HTT: variants seen among roughly 807,000 people sequenced by gnomAD.
The protein encoded by HTT is huntington disease protein.
In HTT, 104 loss-of-function variants were observed where a neutral mutation model predicts 362.3. That is an observed-to-expected ratio of 0.29 (90% CI 0.24 to 0.34). The LOEUF is 0.34. Ranked by LOEUF, HTT falls within the 10% of genes least tolerant of loss-of-function variation. The pLI is 1.00. For missense variants in HTT, 3,301 were observed against 3,928.6 expected (o/e 0.84, Z 4.27); for synonymous variants, 1,577 against 1,548.7 (o/e 1.02, Z -0.43).
chr4:3,116,614 C>T (rs575982114), intron 8 of HTT, among the ~76,000 whole-genome samples: 35 of 152,290 alleles, frequency 2.3e-4, no homozygotes, highest in African/African-American at 7.9e-4. Flanking sequence ...GCTGGGTATA[C>T]AATGGTGAGT....
intron 2 of HTT, among the ~76,000 whole-genome samples, chr4:3,089,804 T>A (rs2110144966): frequency 6.6e-6 from 1 of 152,360 alleles, no homozygotes; most frequent in East Asian, 1.9e-4. Flanking sequence ...TGAGACATCT[T>A]AAGATTGATT....
intron 21 of HTT, among the ~76,000 whole-genome samples, chr4:3,138,147 TCCCTTTCCCTTCC>T (rs1716165005): frequency 6.8e-6 from 1 of 146,374 alleles, no homozygotes; most frequent in Admixed American, 6.7e-5. Context: ...CCTCTCCCTT[TCCCTTTCCCTTCC>T]CCTTTTCCCT....
intron 47 of HTT, among the ~76,000 whole-genome samples, chr4:3,210,608 G>GT (rs997166544): frequency 7.5e-4 from 101 of 134,416 alleles, no homozygotes; most frequent in Non-Finnish European, 4.7e-4. Context: ...CCTGTGAGCA[G>GT]TGGGGGGGCC....
At chr4:3,115,579 C>T (rs367607563) in intron 7 of HTT, 134 bp downstream of exon 7, 8 of 701,106 alleles carry the variant, frequency 1.1e-5, no homozygotes, top group Non-Finnish European at 1.9e-5. Context: ...GTGAACTGCA[C>T]TGGGGCTGCT....
In HTT at chr4:3,137,575, TGTAATCC is replaced by T. The variant is rs564290871; in HGVS notation, c.2798+1250_2798+1256del. Among the ~76,000 whole-genome samples, 52 of 152,330 alleles carry T rather than the reference TGTAATCC, an allele frequency of 3.4e-4. 1 individual carries two copies. The South Asian group carries it at 0.011, about 31-fold the overall frequency. ...TTAGTCGGATGTGGTGGCACACGCC[TGTAATCC>T]CAGCTACTCGGGAGGCTGAGGCAGG... On this transcript the variant is annotated intron_variant, in intron 21 of 66. Coordinates refer to ENST00000355072, the MANE Select transcript of HTT (RefSeq NM_001388492.1).
intron 30 of HTT, 131 bp from the exon 31 acceptor site, chr4:3,172,769 TGATTCACA>T (rs3833911): frequency 0.29 from 201,378 of 701,540 alleles, 31,353 homozygotes; most frequent in East Asian, 0.39. Flanking sequence ...GTATTAATAG[TGATTCACA>T]GGAAGAATTT....
chr4:3,120,488 T>C (rs1341455530), intron 8 of HTT, among the ~76,000 whole-genome samples: 1 of 152,050 alleles, frequency 6.6e-6, no homozygotes, highest in Non-Finnish European at 1.5e-5. Flanking sequence ...TGCAGAGCGG[T>C]ATTGGTCCAT....
chr4:3,098,504 G>A (rs1194182052), intron 2 of HTT, among the ~76,000 whole-genome samples: 1 of 152,196 alleles, frequency 6.6e-6, no homozygotes, highest in African/African-American at 2.4e-5. Context: ...TTGTGTTACT[G>A]GTTTGGATGC....
In HTT at chr4:3,087,038, A is replaced by C. The variant is rs368249381; in HGVS notation, c.347+16A>C. The stretch of plus-strand genomic sequence containing the variant: ...AGTCTGTCAGGTAATTGCACTTTGA[A>C]CTGTCTAGAGAAAATAAGAACTTTG... On this transcript the variant is annotated intron_variant, in intron 2 of 66. Transcript: ENST00000355072. The C allele has an allele frequency of 7.0e-7, 1 of 1,433,368 alleles. No individual in the cohort carries two copies. Among genetic ancestry groups the C allele is most frequent in the Non-Finnish European group, 9.8e-7 (1 of 1,017,698 alleles). The allele number at this position is 1,433,368 out of a possible 1,614,324, so 88.8% of individuals were successfully genotyped here.
Position 3,136,294 on chromosome 4 carries a change from G to A in HTT, c.2766G>A (p.Arg922=). The change falls in exon 21 of 67, where the codon AGG becomes AGA. Residue 922 remains arginine (R), a synonymous_variant. Transcript: ENST00000355072. ...VIHLLGDEDP[R]VRHVAAASLI... The stretch of plus-strand genomic sequence containing the variant: ...ATTTGCTTGGAGATGAAGACCCCAG[G>A]GTGCGACATGTTGCCGCAGCATCAC... 2.5e-6 allele frequency: 4 copies of A among 1,608,360 alleles called. No individual in the cohort carries two copies. Among genetic ancestry groups the A allele is most frequent in the East Asian group, 2.2e-5 (1 of 44,808 alleles).
At chr4:3,223,134 A>G (rs1175253883) in intron 54 of HTT, among the ~76,000 whole-genome samples, 1 of 152,256 alleles carries the variant, frequency 6.6e-6, no homozygotes, top group Admixed American at 6.5e-5. Context: ...GGGAATTCAA[A>G]GATAATTTAT....
At chr4:3,223,668 A>AGCAAC in intron 55 of HTT, 108 bp downstream of exon 55, 1 of 1,016,208 alleles carries the variant, frequency 9.8e-7, no homozygotes, top group Non-Finnish European at 1.5e-6. Context: ...CTTCATTGCT[A>AGCAAC]GAATTGAAAA....
chr4:3,229,099 C>G, intron 59 of HTT, 90 bp downstream of exon 59: 1 of 1,316,790 alleles, frequency 7.6e-7, no homozygotes, highest in Non-Finnish European at 1.1e-6. Context: ...CGCCCACACA[C>G]ATGCCACTTG....
intron 6 of HTT, among the ~76,000 whole-genome samples, chr4:3,112,609 G>C (rs144506144): frequency 2.0e-5 from 3 of 152,176 alleles, no homozygotes; most frequent in Non-Finnish European, 4.4e-5. Context: ...AGTTTTAGGA[G>C]CTTCATAGCA....
intron 40 of HTT, among the ~76,000 whole-genome samples, chr4:3,198,642 C>T (rs1292754316): frequency 6.6e-6 from 1 of 152,262 alleles, no homozygotes; most frequent in Non-Finnish European, 1.5e-5. Flanking sequence ...GTCTTGCTGC[C>T]TCTCCCTGCT....
Position 3,241,724 on chromosome 4 carries a change from G to C in HTT, c.*1665G>C. ...TGGGGAGCAGCTGAGATGTGGACTT[G>C]TATGCTGCCCACATACGTGAGGGGG... On this transcript the variant is annotated 3_prime_UTR_variant, in exon 67 of 67. Coordinates refer to ENST00000355072, the MANE Select transcript of HTT (RefSeq NM_001388492.1). 6.6e-6 allele frequency: 1 copy of C among 152,278 alleles called. No homozygotes were observed. Among genetic ancestry groups the C allele is most frequent in the East Asian group, 1.9e-4 (1 of 5,198 alleles). 9.4% of individuals were successfully genotyped at this position (152,278 alleles called of 1,614,324 possible).
In HTT at chr4:3,174,804, A is replaced by C; in HGVS notation, c.4245+5A>C. On this transcript the variant is annotated splice_donor_5th_base_variant and intron_variant, in intron 32 of 66. Coordinates refer to ENST00000355072, the MANE Select transcript of HTT (RefSeq NM_001388492.1). ...ACAAAGAACCGTGCAGATAAGGTAA[A>C]TGGTGCCGTTTGTGGCATGTGAACT... 3 of 1,613,722 alleles carry C rather than the reference A, an allele frequency of 1.9e-6. No individual in the cohort carries two copies. The highest frequency in any genetic ancestry group is 1.1e-5 in the South Asian group (1 of 91,040).
chr4:3,148,953 T>G (rs1433801367), intron 26 of HTT, among the ~76,000 whole-genome samples: 1 of 152,196 alleles, frequency 6.6e-6, no homozygotes, highest in African/African-American at 2.4e-5. Context: ...TCAGACTCTT[T>G]CCAAAAGAAG....
At chr4:3,180,730 C>G in intron 36 of HTT, 79 bp downstream of exon 36, 1 of 1,290,252 alleles carries the variant, frequency 7.8e-7, no homozygotes, top group Non-Finnish European at 1.0e-6. Flanking sequence ...TGTGGTAACG[C>G]TCACTGTTAA....
Sources: gnomAD v4.1 joint callset for allele counts (sites outside exome capture counted in the v4.1 genomes callset) on GRCh38, gnomAD v4.1.1 for gene constraint, MANE v1.5 for transcripts, NCBI Gene and HGNC (gene_info 2026-07-23, HGNC 2026-07-21) for gene names.